The following RBFOX1 variants were observed in gnomAD, a reference collection of about 807,000 sequenced individuals.
RBFOX1 encodes RNA binding protein fox-1 homolog 1.
RBFOX1 carries 8 observed loss-of-function variants against 57.7 expected under a neutral mutation model. That is an observed-to-expected ratio of 0.14 (90% confidence interval 0.08 to 0.25). The LOEUF is 0.25. RBFOX1 is among the 10% of genes least tolerant of loss of function. The pLI is 1.00. For synonymous variants in RBFOX1, 326 were observed against 222.4 expected, an observed-to-expected ratio of 1.47 and a Z score of -4.15; for missense variants, 611 against 548.5, an observed-to-expected ratio of 1.11 and a Z score of -1.14.
intron 4 of RBFOX1, among the ~76,000 whole-genome samples, chr16:7,259,497 T>C (rs2094831854): frequency 6.6e-6 from 1 of 151,964 alleles, no homozygotes; most frequent in Non-Finnish European, 1.5e-5. Flanking sequence ...ATACAAATAC[T>C]GCTTTGAACA....
At chr16:6,250,615 C>T (rs2097601727) in intron 1 of RBFOX1, among the ~76,000 whole-genome samples, 2 of 152,118 alleles carry the variant, frequency 1.3e-5, no homozygotes, top group African/African-American at 2.4e-5. Context: ...CTTTTATGCT[C>T]TGGGAAGATT....
At chr16:5,434,952 CCTG>C (rs2067871670) in intron 1 of RBFOX1, among the ~76,000 whole-genome samples, 1 of 152,204 alleles carries the variant, frequency 6.6e-6, no homozygotes, top group African/African-American at 2.4e-5. Context: ...TCTCTTTCCT[CCTG>C]CTATTAATTT....
intron 1 of RBFOX1, among the ~76,000 whole-genome samples, chr16:5,380,783 G>A (rs1219717973): frequency 1.3e-5 from 2 of 152,176 alleles, no homozygotes; most frequent in East Asian, 1.9e-4. Context: ...AACCTTCAGC[G>A]CCTCTGTGAT....
intron 3 of RBFOX1, among the ~76,000 whole-genome samples, chr16:6,690,374 A>G (rs780315636): frequency 6.6e-6 from 1 of 152,196 alleles, no homozygotes. Context: ...TCACAGATCC[A>G]TTCGTGACAA....
intron 3 of RBFOX1, among the ~76,000 whole-genome samples, chr16:6,907,035 A>G (rs1323468687): frequency 1.3e-5 from 2 of 151,826 alleles, no homozygotes; most frequent in East Asian, 3.9e-4. Flanking sequence ...GCAGAACTAA[A>G]TTTAAAACAT....
chr16:6,350,607 T>C (rs112146524), intron 2 of RBFOX1, among the ~76,000 whole-genome samples: 2,650 of 151,666 alleles, frequency 0.017, 82 homozygotes, highest in African/African-American at 0.059. Context: ...ATGGCATCCA[T>C]ACATCTATGA....
chr16:7,638,327 G>A (rs1304703260), intron 11 of RBFOX1, among the ~76,000 whole-genome samples: 1 of 152,110 alleles, frequency 6.6e-6, no homozygotes, highest in Non-Finnish European at 1.5e-5. Flanking sequence ...TTAGGCTTGG[G>A]GGCGTTAAGA....
intron 3 of RBFOX1, among the ~76,000 whole-genome samples, chr16:5,677,624 G>T (rs1197131851): frequency 6.6e-6 from 1 of 152,214 alleles, no homozygotes; most frequent in African/African-American, 2.4e-5. Context: ...AGCAGAGAAT[G>T]ACACAGGCAT....
chr16:5,701,006 AGAG>A (rs1485848705), intron 3 of RBFOX1, among the ~76,000 whole-genome samples: 1 of 152,214 alleles, frequency 6.6e-6, no homozygotes, highest in Non-Finnish European at 1.5e-5. Context: ...GTAGGCAAAA[AGAG>A]GAGATGTTCA....
chr16:6,508,055 C>T (rs1477327601), intron 2 of RBFOX1, among the ~76,000 whole-genome samples: 1 of 152,244 alleles, frequency 6.6e-6, no homozygotes, highest in East Asian at 1.9e-4. Flanking sequence ...AAGATCATGT[C>T]CTTTGCAGGG....
At chr16:7,488,053 G>A (rs1275755269) in intron 4 of RBFOX1, among the ~76,000 whole-genome samples, 2 of 152,160 alleles carry the variant, frequency 1.3e-5, no homozygotes, top group Non-Finnish European at 2.9e-5. Flanking sequence ...AGTAATCACT[G>A]GAGGTGATGT....
At chr16:6,095,299 C>T (rs1219421004) in intron 1 of RBFOX1, among the ~76,000 whole-genome samples, 3 of 152,192 alleles carry the variant, frequency 2.0e-5, no homozygotes, top group Admixed American at 1.3e-4. Flanking sequence ...CTAAATCCTT[C>T]ATGGGTTTGT....
chr16:5,636,585 T>G (rs2048693419), intron 3 of RBFOX1, among the ~76,000 whole-genome samples: 1 of 152,118 alleles, frequency 6.6e-6, no homozygotes, highest in African/African-American at 2.4e-5. Context: ...CAAGATTTTA[T>G]TGGCTCATGA....
intron 4 of RBFOX1, among the ~76,000 whole-genome samples, chr16:5,950,260 G>T (rs192494446): frequency 7.5e-4 from 114 of 152,336 alleles, no homozygotes; most frequent in Non-Finnish European, 1.5e-3. Context: ...TTTTCTGCCT[G>T]TGGGTGTCTG....
intron 1 of RBFOX1, among the ~76,000 whole-genome samples, chr16:6,020,469 A>G (rs1384681121): frequency 6.6e-6 from 1 of 152,116 alleles, no homozygotes; most frequent in Non-Finnish European, 1.5e-5. Context: ...CCCTTGTGGG[A>G]GGAGGGGAAG....
intron 2 of RBFOX1, among the ~76,000 whole-genome samples, chr16:6,362,667 A>G (rs2088801513): frequency 6.6e-6 from 1 of 152,244 alleles, no homozygotes; most frequent in African/African-American, 2.4e-5. Context: ...GGCTTTAACC[A>G]GAAGGTGACT....
At chr16:7,176,445 C>G (rs538962087) in intron 4 of RBFOX1, among the ~76,000 whole-genome samples, 18 of 152,024 alleles carry the variant, frequency 1.2e-4, no homozygotes, top group African/African-American at 4.3e-4. Flanking sequence ...TACGAGGTAT[C>G]TATTATGTGT....
At chr16:7,299,670 G>A (rs1189650233) in intron 4 of RBFOX1, among the ~76,000 whole-genome samples, 3 of 152,168 alleles carry the variant, frequency 2.0e-5, no homozygotes, top group African/African-American at 7.2e-5. Flanking sequence ...GAGAAATGGA[G>A]CTTCTGCAAA....
At chr16:5,540,696 C>G (rs1341004797) in intron 2 of RBFOX1, among the ~76,000 whole-genome samples, 1 of 152,130 alleles carries the variant, frequency 6.6e-6, no homozygotes, top group Admixed American at 6.5e-5. Flanking sequence ...GCACTGACAT[C>G]ACGGACTCTG....
Sources: allele counts gnomAD v4.1 joint callset (sites outside exome capture counted in the v4.1 genomes callset), GRCh38; gene constraint gnomAD v4.1.1; transcripts MANE v1.5; gene names NCBI Gene and HGNC (gene_info 2026-07-23, HGNC 2026-07-21).